Variants in AGBL4 observed in about 807,000 individuals in gnomAD.
The protein encoded by AGBL4 is AGBL carboxypeptidase 4, also known as cytosolic carboxypeptidase 6.
A neutral mutation model predicts 66.4 loss-of-function variants in AGBL4; 58 were observed. The ratio of observed to expected loss-of-function variants is 0.87; its 90% CI spans 0.71 to 1.09. The LOEUF (loss-of-function observed/expected upper bound fraction) is 1.09. Ranked by LOEUF, AGBL4 falls within the 50% of genes least tolerant of loss-of-function variation. The probability of loss-of-function intolerance (pLI) is 0.00; values close to 1 mark genes in which losing one functional copy is unlikely to be tolerated. For missense variants in AGBL4, 579 were observed against 631.0 expected (o/e 0.92, Z 0.88); for synonymous variants, 234 against 222.9 (o/e 1.05, Z -0.44).
At chr1:48,649,254 T>C (rs1257113861) in intron 8 of AGBL4, among the ~76,000 whole-genome samples, 1 of 152,188 alleles carries the variant, frequency 6.6e-6, no homozygotes, top group East Asian at 1.9e-4. Context: ...AAGAGTGTAA[T>C]GGGAGACCCA....
intron 3 of AGBL4, among the ~76,000 whole-genome samples, chr1:49,315,029 A>C (rs927299068): frequency 1.3e-5 from 2 of 152,166 alleles, no homozygotes; most frequent in Non-Finnish European, 2.9e-5. Flanking sequence ...TACAGTAACC[A>C]AACCAGCATG....
chr1:49,186,180 T>G (rs1158859905), intron 4 of AGBL4, among the ~76,000 whole-genome samples: 1 of 152,096 alleles, frequency 6.6e-6, no homozygotes, highest in Non-Finnish European at 1.5e-5. Context: ...ACACCCTGCC[T>G]CCCCTATGCA....
At chr1:49,406,785 G>T (rs1437020237) in intron 3 of AGBL4, among the ~76,000 whole-genome samples, 7 of 151,810 alleles carry the variant, frequency 4.6e-5, no homozygotes, top group Non-Finnish European at 1.0e-4. Context: ...ATAAATGCAG[G>T]CCAGGAGCGG....
intron 4 of AGBL4, among the ~76,000 whole-genome samples, chr1:49,158,395 C>A (rs1251824903): frequency 6.6e-6 from 1 of 152,118 alleles, no homozygotes; most frequent in African/African-American, 2.4e-5. Flanking sequence ...GTTTCTTAAT[C>A]CTGAGTTCTA....
intron 9 of AGBL4, among the ~76,000 whole-genome samples, chr1:48,633,579 A>G (rs371521930): frequency 1.3e-5 from 2 of 152,120 alleles, no homozygotes; most frequent in Non-Finnish European, 2.9e-5. Flanking sequence ...AGCAAAGCTC[A>G]CAGCTCACAC....
chr1:49,720,875 T>G (rs750285317), intron 2 of AGBL4, among the ~76,000 whole-genome samples: 3 of 152,072 alleles, frequency 2.0e-5, no homozygotes, highest in Admixed American at 6.6e-5. Flanking sequence ...AAGTGACAAG[T>G]TACACTTGAA....
At chr1:49,881,262 C>A (rs1007229344) in intron 1 of AGBL4, among the ~76,000 whole-genome samples, 1 of 152,060 alleles carries the variant, frequency 6.6e-6, no homozygotes, top group Non-Finnish European at 1.5e-5. Flanking sequence ...TGTATATGTG[C>A]CACATTTTCT....
chr1:49,476,309 A>G (rs1646843747), intron 3 of AGBL4, among the ~76,000 whole-genome samples: 1 of 134,024 alleles, frequency 7.5e-6, no homozygotes, highest in African/African-American at 2.5e-5. Flanking sequence ...ATTCACTGAG[A>G]CTTGCTTTAT....
chr1:48,694,359 A>C (rs1279647896), intron 6 of AGBL4, among the ~76,000 whole-genome samples: 2 of 152,194 alleles, frequency 1.3e-5, no homozygotes, highest in African/African-American at 4.8e-5. Flanking sequence ...CAAGTTCACT[A>C]CTTGCTAGGT....
chr1:49,892,134 C>A (rs941162107), intron 1 of AGBL4, among the ~76,000 whole-genome samples: 4 of 152,166 alleles, frequency 2.6e-5, no homozygotes, highest in African/African-American at 9.7e-5. Flanking sequence ...TGGAAGTTCA[C>A]CAGAAGCACC....
chr1:49,076,411 T>C (rs1644711184), intron 4 of AGBL4, among the ~76,000 whole-genome samples: 1 of 152,192 alleles, frequency 6.6e-6, no homozygotes, highest in African/African-American at 2.4e-5. Context: ...GTTGAATCCA[T>C]GGATGCAGAA....
At chr1:49,775,101 G>A (rs548275468) in intron 2 of AGBL4, among the ~76,000 whole-genome samples, 49 of 152,190 alleles carry the variant, frequency 3.2e-4, no homozygotes, top group African/African-American at 1.2e-3. Flanking sequence ...ACAAGATATT[G>A]AATGAGAGAA....
chr1:49,793,759 T>C (rs1201329873), intron 2 of AGBL4, among the ~76,000 whole-genome samples: 1 of 151,688 alleles, frequency 6.6e-6, no homozygotes, highest in Non-Finnish European at 1.5e-5. Flanking sequence ...TTAGGAATAG[T>C]AAATTAAAAG....
At chr1:48,867,301 C>T (rs1648201840) in intron 5 of AGBL4, 71 bp from the exon 6 acceptor site, 8 of 1,476,856 alleles carry the variant, frequency 5.4e-6, no homozygotes, top group African/African-American at 1.4e-5. Context: ...CAGGTCAGGG[C>T]GGACAAGCAA....
intron 11 of AGBL4, among the ~76,000 whole-genome samples, chr1:48,578,383 G>A (rs1644686549): frequency 6.6e-6 from 1 of 152,170 alleles, no homozygotes; most frequent in South Asian, 2.1e-4. Flanking sequence ...CATGTCTGTA[G>A]GGAGGAGAAA....
At chr1:49,660,711 T>C (rs1646251975) in intron 3 of AGBL4, among the ~76,000 whole-genome samples, 1 of 152,088 alleles carries the variant, frequency 6.6e-6, no homozygotes, top group Non-Finnish European at 1.5e-5. Context: ...CAAATGCCCA[T>C]CAATGATAGA....
intron 2 of AGBL4, among the ~76,000 whole-genome samples, chr1:49,826,493 G>C (rs1645513528): frequency 6.6e-6 from 1 of 152,164 alleles, no homozygotes; most frequent in African/African-American, 2.4e-5. Context: ...GGCTCCTTTA[G>C]GATATCTAAT....
At chr1:49,810,377 A>T (rs1289052385) in intron 2 of AGBL4, among the ~76,000 whole-genome samples, 1 of 152,242 alleles carries the variant, frequency 6.6e-6, no homozygotes. Flanking sequence ...ACTAGAAAGT[A>T]GAATATTATA....
intron 4 of AGBL4, among the ~76,000 whole-genome samples, chr1:49,059,491 T>C (rs1644364360): frequency 6.6e-6 from 1 of 152,116 alleles, no homozygotes; most frequent in South Asian, 2.1e-4. Context: ...TAGGGCAGTG[T>C]GAAAGGGAAA....
Sources: gnomAD v4.1 joint callset for allele counts (sites outside exome capture counted in the v4.1 genomes callset) on GRCh38, gnomAD v4.1.1 for gene constraint, MANE v1.5 for transcripts, NCBI Gene and HGNC (gene_info 2026-07-23, HGNC 2026-07-21) for gene names.